The following ZBTB20 variants were observed in gnomAD, a reference collection of about 807,000 sequenced individuals.
ZBTB20 encodes the protein zinc finger and BTB domain containing 20.
In ZBTB20, 9 loss-of-function variants were observed where a neutral mutation model predicts 56.9. That is an observed-to-expected ratio of 0.16 (90% CI 0.10 to 0.28). ZBTB20 has a LOEUF of 0.28. Ranked by LOEUF, ZBTB20 falls within the 10% of genes least tolerant of loss-of-function variation. The probability of loss-of-function intolerance (pLI) is 1.00; values close to 1 mark genes in which losing one functional copy is unlikely to be tolerated. For missense variants in ZBTB20, 655 were observed against 1,003.0 expected (o/e 0.65, Z 4.69); for synonymous variants, 417 against 420.7 (o/e 0.99, Z 0.11).
intron 4 of ZBTB20, among the ~76,000 whole-genome samples, chr3:114,862,854 A>T (rs1314255316): frequency 1.3e-5 from 2 of 152,166 alleles, no homozygotes; most frequent in African/African-American, 4.8e-5. Flanking sequence ...TATTTGACCC[A>T]ATATATAACC....
chr3:115,053,089 T>A (rs930157106), intron 2 of ZBTB20, among the ~76,000 whole-genome samples: 4 of 152,152 alleles, frequency 2.6e-5, no homozygotes, highest in African/African-American at 9.6e-5. Flanking sequence ...AGAACAGTAA[T>A]TCCCCCTGAA....
intron 6 of ZBTB20, among the ~76,000 whole-genome samples, chr3:114,525,009 T>C (rs13316349): frequency 6.6e-5 from 10 of 152,308 alleles, no homozygotes; most frequent in African/African-American, 2.2e-4. Flanking sequence ...CCACTGTGCC[T>C]GGCCTCCAAT....
intron 5 of ZBTB20, among the ~76,000 whole-genome samples, chr3:114,767,407 T>A (rs1006832880): frequency 6.6e-6 from 1 of 151,856 alleles, no homozygotes; most frequent in Admixed American, 6.6e-5. Context: ...GAGAAGCAGA[T>A]GAGTAAAGGA....
intron 3 of ZBTB20, among the ~76,000 whole-genome samples, chr3:114,903,896 TAG>T (rs1050567428): frequency 1.8e-4 from 27 of 151,902 alleles, no homozygotes; most frequent in Non-Finnish European, 2.9e-5. Context: ...AAAAAAACGT[TAG>T]AGTCAGTTTT....
At chr3:114,865,476 C>A (rs1402344547) in intron 4 of ZBTB20, among the ~76,000 whole-genome samples, 1 of 152,086 alleles carries the variant, frequency 6.6e-6, no homozygotes, top group East Asian at 1.9e-4. Context: ...GATAGAGTCA[C>A]AAAAAGAGGA....
chr3:114,317,685 C>T lies in ZBTB20; in HGVS notation c.*21320G>A, dbSNP rs2078739433. 6.6e-6 allele frequency: 1 copy of T among 152,114 alleles called. No homozygotes were observed. Among genetic ancestry groups the T allele is most frequent in the Non-Finnish European group, 1.5e-5 (1 of 68,028 alleles). The allele number at this position is 152,114 out of a possible 1,614,324, so 9.4% of individuals were successfully genotyped here. Reference sequence around the variant, plus strand: ...ACTAACACATCAACCTCCCCTATCACTTTTTAAAAAAATTGTAAAGAGGAA... The same window carrying T: ...ACTAACACATCAACCTCCCCTATCATTTTTTAAAAAAATTGTAAAGAGGAA... On this transcript the variant is annotated 3_prime_UTR_variant, in exon 12 of 12. Transcript: ENST00000675478.
At chr3:114,495,108 T>C (rs2043135717) in intron 7 of ZBTB20, among the ~76,000 whole-genome samples, 1 of 152,226 alleles carries the variant, frequency 6.6e-6, no homozygotes, top group Admixed American at 6.5e-5. Flanking sequence ...TAGTCATTTA[T>C]TATCTTATGT....
chr3:114,685,204 A>G (rs1442057077), intron 6 of ZBTB20, among the ~76,000 whole-genome samples: 1 of 152,136 alleles, frequency 6.6e-6, no homozygotes, highest in Non-Finnish European at 1.5e-5. Flanking sequence ...GCCACCATCC[A>G]AGACAAGGAG....
intron 5 of ZBTB20, among the ~76,000 whole-genome samples, chr3:114,767,985 A>G (rs766034779): frequency 6.6e-5 from 10 of 152,162 alleles, no homozygotes; most frequent in Non-Finnish European, 1.2e-4. Flanking sequence ...GATAAAATAT[A>G]AAGTATATTT....
chr3:114,710,989 C>T (rs2064037917), intron 5 of ZBTB20, among the ~76,000 whole-genome samples: 1 of 152,122 alleles, frequency 6.6e-6, no homozygotes, highest in Admixed American at 6.5e-5. Flanking sequence ...CAATATCCAT[C>T]CCCTTTCCCT....
At chr3:114,633,371 G>A (rs1181198058) in intron 6 of ZBTB20, among the ~76,000 whole-genome samples, 1 of 152,200 alleles carries the variant, frequency 6.6e-6, no homozygotes, top group Non-Finnish European at 1.5e-5. Flanking sequence ...AGCTTGCACA[G>A]CACATTTCTT....
chr3:115,109,650 T>G (rs910123339), intron 1 of ZBTB20, among the ~76,000 whole-genome samples: 1 of 152,138 alleles, frequency 6.6e-6, no homozygotes, highest in Non-Finnish European at 1.5e-5. Flanking sequence ...AGGAGGGGCT[T>G]TATAAAATTA....
intron 1 of ZBTB20, among the ~76,000 whole-genome samples, chr3:115,109,061 T>G (rs2083801737): frequency 6.6e-6 from 1 of 152,128 alleles, no homozygotes; most frequent in Non-Finnish European, 1.5e-5. Flanking sequence ...TATAAAAATG[T>G]TATTTGTAAT....
At position 114,329,004 on chromosome 3, in the gene ZBTB20, T is replaced by C. The variant is rs1056554786; in HGVS notation, c.*10001A>G. On this transcript the variant is annotated 3_prime_UTR_variant, in exon 12 of 12. Coordinates refer to ENST00000675478, the MANE Select transcript of ZBTB20 (RefSeq NM_001348800.3). ...CAATTATGTTTGTCTAGTAGAAATA[T>C]ATCTGCTGGAACACTTTGGAGAACA... is the stretch of plus-strand genomic sequence containing the variant. The C allele has an allele frequency of 6.6e-6, 1 of 152,230 alleles. No individual in the cohort carries two copies. Among genetic ancestry groups the C allele is most frequent in the African/African-American group, 2.4e-5 (1 of 41,470 alleles). The allele number at this position is 152,230 out of a possible 1,614,324, so 9.4% of individuals were successfully genotyped here.
intron 7 of ZBTB20, among the ~76,000 whole-genome samples, chr3:114,396,520 C>A (rs1315076475): frequency 6.6e-6 from 1 of 152,208 alleles, no homozygotes; most frequent in Non-Finnish European, 1.5e-5. Context: ...ATTTTATAGA[C>A]GAAGGAGGTG....
chr3:114,668,390 A>C (rs1200520303), intron 6 of ZBTB20, among the ~76,000 whole-genome samples: 1 of 152,024 alleles, frequency 6.6e-6, no homozygotes, highest in African/African-American at 2.4e-5. Flanking sequence ...TCATACTGTC[A>C]ATAATAAGTT....
At chr3:114,403,904 T>C (rs1233686124) in intron 7 of ZBTB20, among the ~76,000 whole-genome samples, 1 of 152,140 alleles carries the variant, frequency 6.6e-6, no homozygotes, top group African/African-American at 2.4e-5. Context: ...ATGAAACTTC[T>C]CTCGAGTCTC....
intron 4 of ZBTB20, among the ~76,000 whole-genome samples, chr3:114,865,523 C>T (rs1385443852): frequency 6.6e-6 from 1 of 152,108 alleles, no homozygotes; most frequent in Non-Finnish European, 1.5e-5. Context: ...TCCTTCTTGG[C>T]TTCCTTCCAC....
chr3:114,466,884 C>T lies in ZBTB20; in HGVS notation c.-255+33468G>A, dbSNP rs140335944. 5.3e-5 allele frequency among the ~76,000 whole-genome samples: 8 copies of T among 152,052 alleles called. No individual in the cohort carries two copies. The South Asian group carries it at 1.0e-3, about 20-fold the overall frequency. On this transcript the variant is annotated intron_variant, in intron 7 of 11. Coordinates refer to ENST00000675478, the MANE Select transcript of ZBTB20 (RefSeq NM_001348800.3). ...AAACACGATGCAAATAAGTTAATAC[C>T]GTAAAGCGTTGCTAAAAAAAATCTG...
Sources: allele counts gnomAD v4.1 joint callset (sites outside exome capture counted in the v4.1 genomes callset), GRCh38; gene constraint gnomAD v4.1.1; transcripts MANE v1.5; gene names NCBI Gene and HGNC (gene_info 2026-07-23, HGNC 2026-07-21).